The following CNTNAP2 variants were observed in gnomAD, a reference collection of about 807,000 sequenced individuals.
CNTNAP2 encodes contactin associated protein 2.
In CNTNAP2, 98 loss-of-function variants were observed where a neutral mutation model predicts 155.2. That is an observed-to-expected ratio of 0.63 (90% CI 0.54 to 0.75). The LOEUF is 0.75. CNTNAP2 is among the 30% of genes least tolerant of loss of function. The probability of loss-of-function intolerance (pLI) is 0.00; values close to 1 mark genes in which losing one functional copy is unlikely to be tolerated. For synonymous variants in CNTNAP2, 651 were observed against 631.2 expected (o/e 1.03, Z -0.47); for missense variants, 1,727 against 1,688.1 (o/e 1.02, Z -0.40).
At chr7:147,328,550 G>A (rs993411529) in intron 9 of CNTNAP2, among the ~76,000 whole-genome samples, 2 of 152,178 alleles carry the variant, frequency 1.3e-5, no homozygotes, top group African/African-American at 4.8e-5. Context: ...GCAAGAATAA[G>A]CCTTCCATCT....
intron 21 of CNTNAP2, among the ~76,000 whole-genome samples, chr7:148,369,515 A>G (rs562498615): frequency 1.4e-4 from 21 of 152,102 alleles, no homozygotes; most frequent in African/African-American, 4.8e-4. Flanking sequence ...AACATAAGAC[A>G]TGGCACCCAG....
chr7:146,456,948 C>G (rs1796563962), intron 1 of CNTNAP2, among the ~76,000 whole-genome samples: 1 of 152,060 alleles, frequency 6.6e-6, no homozygotes, highest in African/African-American at 2.4e-5. Flanking sequence ...TAAATGACAA[C>G]TTTCTATTCT....
chr7:146,803,086 GC>G (rs1372305092), intron 2 of CNTNAP2, among the ~76,000 whole-genome samples: 1 of 152,152 alleles, frequency 6.6e-6, no homozygotes, highest in Non-Finnish European at 1.5e-5. Context: ...GGGAGTAAAT[GC>G]CAGGAATTGA....
chr7:148,234,670 T>C (rs1012007099), intron 20 of CNTNAP2, among the ~76,000 whole-genome samples: 1 of 152,150 alleles, frequency 6.6e-6, no homozygotes, highest in Non-Finnish European at 1.5e-5. Context: ...GAGAGTGAGG[T>C]AGAGCAGGAT....
intron 3 of CNTNAP2, among the ~76,000 whole-genome samples, chr7:146,991,619 T>G (rs1453572560): frequency 6.6e-6 from 1 of 152,294 alleles, no homozygotes; most frequent in East Asian, 1.9e-4. Context: ...GATTTACAAA[T>G]TCTGGGCATA....
At chr7:147,646,202 T>C (rs182974834) in intron 13 of CNTNAP2, among the ~76,000 whole-genome samples, 2 of 152,278 alleles carry the variant, frequency 1.3e-5, no homozygotes, top group African/African-American at 2.4e-5. Context: ...TACTTATATA[T>C]ACAGGAGGAA....
At chr7:147,254,396 C>G (rs1804272913) in intron 8 of CNTNAP2, among the ~76,000 whole-genome samples, 1 of 152,116 alleles carries the variant, frequency 6.6e-6, no homozygotes, top group South Asian at 2.1e-4. Flanking sequence ...AATGTATCAC[C>G]AAGTACTAGT....
At chr7:147,921,342 C>T (rs1455812245) in intron 14 of CNTNAP2, among the ~76,000 whole-genome samples, 1 of 152,142 alleles carries the variant, frequency 6.6e-6, no homozygotes, top group Admixed American at 6.5e-5. Flanking sequence ...ATAACCTCTT[C>T]TCCATTAACA....
intron 8 of CNTNAP2, among the ~76,000 whole-genome samples, chr7:147,147,848 A>C (rs1419357156): frequency 6.6e-6 from 1 of 152,166 alleles, no homozygotes; most frequent in Non-Finnish European, 1.5e-5. Context: ...AGAGTAATAA[A>C]TGAGATGAAA....
intron 19 of CNTNAP2, among the ~76,000 whole-genome samples, chr7:148,224,350 G>A (rs1022662241): frequency 1.3e-5 from 2 of 151,778 alleles, no homozygotes; most frequent in Non-Finnish European, 2.9e-5. Context: ...ACACTGAGGG[G>A]TGGAGAGAGA....
chr7:147,941,970 A>G (rs1055726320), intron 14 of CNTNAP2, among the ~76,000 whole-genome samples: 1 of 152,184 alleles, frequency 6.6e-6, no homozygotes, highest in Non-Finnish European at 1.5e-5. Context: ...AGAACCTAAT[A>G]ACTGACTTTA....
intron 23 of CNTNAP2, among the ~76,000 whole-genome samples, chr7:148,414,411 C>T (rs551546134): frequency 3.1e-4 from 36 of 117,386 alleles, no homozygotes; most frequent in African/African-American, 1.1e-3. Flanking sequence ...ACAAGTTCCA[C>T]GTTGTCTCAT....
chr7:146,578,209 G>A (rs1031122759), intron 1 of CNTNAP2, among the ~76,000 whole-genome samples: 1 of 152,006 alleles, frequency 6.6e-6, no homozygotes, highest in Non-Finnish European at 1.5e-5. Flanking sequence ...ACCCAACAAC[G>A]TGAAATTAAA....
At chr7:146,198,316 T>C (rs1237986952) in intron 1 of CNTNAP2, among the ~76,000 whole-genome samples, 4 of 152,226 alleles carry the variant, frequency 2.6e-5, no homozygotes, top group Non-Finnish European at 4.4e-5. Context: ...AATTGAAGAT[T>C]CAGAAAATGT....
intron 1 of CNTNAP2, among the ~76,000 whole-genome samples, chr7:146,265,566 C>T (rs1304862236): frequency 6.7e-6 from 1 of 150,050 alleles, no homozygotes; most frequent in Admixed American, 6.7e-5. Flanking sequence ...TCAAGTGATT[C>T]TCATGCCTCA....
At chr7:148,245,228 C>T (rs751695845) in intron 20 of CNTNAP2, among the ~76,000 whole-genome samples, 1 of 152,162 alleles carries the variant, frequency 6.6e-6, no homozygotes, top group Non-Finnish European at 1.5e-5. Flanking sequence ...AGCCCACAGA[C>T]CTCTGGGCTA....
chr7:146,678,974 A>G (rs1800452389), intron 1 of CNTNAP2, among the ~76,000 whole-genome samples: 1 of 152,138 alleles, frequency 6.6e-6, no homozygotes, highest in Admixed American at 6.5e-5. Flanking sequence ...GTCACTTTTC[A>G]GGATTGTCTT....
Position 147,128,858 on chromosome 7 carries a change from A to G in CNTNAP2, c.1083+22A>G, listed in dbSNP as rs142524655. On this transcript the variant is annotated intron_variant, in intron 7 of 23. Coordinates refer to ENST00000361727, the MANE Select transcript of CNTNAP2 (RefSeq NM_014141.6). ...TGTGGTAAGGATTTTCACCCGCAAA[A>G]TATTGGTCTATAAAATATCAAGTAA... is the stretch of plus-strand genomic sequence containing the variant. The G allele has an allele frequency of 1.2e-3, 2,012 of 1,613,784 alleles. 17 individuals are homozygous for G. In the African/African-American group the frequency reaches 0.023, roughly 18 times the overall value.
At chr7:147,712,012 C>A (rs541318486) in intron 13 of CNTNAP2, among the ~76,000 whole-genome samples, 1 of 152,262 alleles carries the variant, frequency 6.6e-6, no homozygotes, top group Admixed American at 6.5e-5. Context: ...GCTCTATCCT[C>A]TTTCTCAAAT....
Sources: allele counts gnomAD v4.1 joint callset (sites outside exome capture counted in the v4.1 genomes callset), GRCh38; gene constraint gnomAD v4.1.1; transcripts MANE v1.5; gene names NCBI Gene and HGNC (gene_info 2026-07-23, HGNC 2026-07-21).